The following SNX29 variants were observed in gnomAD, a reference collection of about 807,000 sequenced individuals.
SNX29 encodes sorting nexin 29, also known as sorting nexin-29.
SNX29 carries 78 observed loss-of-function variants against 102.1 expected under a neutral mutation model. The ratio of observed to expected loss-of-function variants is 0.76; its 90% CI spans 0.64 to 0.92. The LOEUF (loss-of-function observed/expected upper bound fraction) is 0.92, where lower values mean the gene tolerates loss of function less well. SNX29 is among the 40% of genes least tolerant of loss of function. The pLI is 0.00. For synonymous variants in SNX29, 580 were observed against 414.5 expected (o/e 1.40, Z -4.85); for missense variants, 1,280 against 1,061.7 (o/e 1.21, Z -2.86).
Position 12,538,223 on chromosome 16 carries a change from C to T in SNX29, c.2318+13382C>T, listed in dbSNP as rs768140072. On this transcript the variant is annotated intron_variant, in intron 20 of 20. Transcript: ENST00000566228. ...CTCTGTGTTCTGGGTTCATGCCATTCTTGTGCCTCAGTCTCCCTAGTAGCT... is the reference window on the plus strand; with the variant it reads ...CTCTGTGTTCTGGGTTCATGCCATTTTTGTGCCTCAGTCTCCCTAGTAGCT... Among the ~76,000 whole-genome samples, 4 of 152,228 alleles carry T rather than the reference C, an allele frequency of 2.6e-5. No homozygotes were observed. In the South Asian group the frequency reaches 6.2e-4, roughly 24 times the overall value.
At chr16:12,295,976 T>C (rs545727796) in intron 15 of SNX29, among the ~76,000 whole-genome samples, 49 of 152,386 alleles carry the variant, frequency 3.2e-4, no homozygotes, top group Admixed American at 3.3e-4. Flanking sequence ...AAATGAAATA[T>C]GTTCTGTGGT....
chr16:12,173,226 G>A (rs1015912930), intron 13 of SNX29, among the ~76,000 whole-genome samples: 3 of 152,196 alleles, frequency 2.0e-5, no homozygotes, highest in Admixed American at 2.0e-4. Context: ...ATAAAAGTGG[G>A]TTCTGGTTCC....
At chr16:12,013,541 ATC>A (rs1567526124) in intron 3 of SNX29, among the ~76,000 whole-genome samples, 38 of 119,216 alleles carry the variant, frequency 3.2e-4, no homozygotes, top group African/African-American at 9.3e-4. Flanking sequence ...ATATATATAT[ATC>A]GAGAGAGGAG....
intron 18 of SNX29, among the ~76,000 whole-genome samples, chr16:12,406,164 G>T (rs2084156903): frequency 6.6e-6 from 1 of 152,122 alleles, no homozygotes; most frequent in African/African-American, 2.4e-5. Flanking sequence ...GTAAACTAAG[G>T]GTTTAAAAGG....
At chr16:12,199,535 C>T (rs547174510) in intron 13 of SNX29, 66 bp from the exon 14 acceptor site, 5 of 1,393,996 alleles carry the variant, frequency 3.6e-6, no homozygotes, top group Non-Finnish European at 5.0e-6. Context: ...CCACCCCTGC[C>T]CCCTCCTGTG....
At chr16:12,391,748 A>G (rs2083537927) in intron 16 of SNX29, among the ~76,000 whole-genome samples, 1 of 152,136 alleles carries the variant, frequency 6.6e-6, no homozygotes, top group Non-Finnish European at 1.5e-5. Context: ...ATAGAACTTT[A>G]CCATCGCCCC....
At chr16:12,472,154 TCACGTCCACAGTACTG>T (rs906114913) in intron 18 of SNX29, among the ~76,000 whole-genome samples, 3 of 152,190 alleles carry the variant, frequency 2.0e-5, no homozygotes, top group Non-Finnish European at 2.9e-5. Flanking sequence ...CAGCTGCATC[TCACGTCCACAGTACTG>T]AGTGAAAGAA....
At position 12,477,879 on chromosome 16, in the gene SNX29, A is replaced by T; in HGVS notation, c.2178+20A>T. On this transcript the variant is annotated intron_variant, in intron 19 of 20. Transcript: ENST00000566228. ...AACAAGGTACCATCCCGTGCTGGGA[A>T]GCCCACTTGTCACTGCCTGCGTTAA... 6.4e-7 allele frequency: 1 copy of T among 1,562,554 alleles called. No homozygotes were observed. Among genetic ancestry groups the T allele is most frequent in the Non-Finnish European group, 8.6e-7 (1 of 1,159,014 alleles).
intron 3 of SNX29, among the ~76,000 whole-genome samples, chr16:12,010,706 T>G (rs2056619928): frequency 6.6e-6 from 1 of 152,126 alleles, no homozygotes; most frequent in Non-Finnish European, 1.5e-5. Context: ...GGAGAGCATT[T>G]CTTCTCCTTT....
At chr16:12,019,623 G>GATAA (rs756218282) in intron 3 of SNX29, among the ~76,000 whole-genome samples, 12 of 145,610 alleles carry the variant, frequency 8.2e-5, no homozygotes, top group African/African-American at 3.1e-4. Context: ...TAGATAGATA[G>GATAA]ATATAGATAT....
chr16:12,428,249 A>G (rs540302545), intron 18 of SNX29, among the ~76,000 whole-genome samples: 1 of 152,372 alleles, frequency 6.6e-6, no homozygotes, highest in East Asian at 1.9e-4. Context: ...TAAGTTTAGT[A>G]TAAAATGTAA....
In SNX29 at chr16:12,289,464, G is replaced by C. The variant is rs371138247; in HGVS notation, c.1782+11428G>C. Among the ~76,000 whole-genome samples the C allele has an allele frequency of 3.9e-5, 6 of 152,200 alleles. No individual in the cohort carries two copies. The South Asian group carries it at 1.3e-3, about 32-fold the overall frequency. The stretch of plus-strand genomic sequence containing the variant: ...CTTTTGATTTCTCTCACAGAACCTT[G>C]GATACCTCGTTTCCCATTTCCTGGT... On this transcript the variant is annotated intron_variant, in intron 15 of 20. Coordinates refer to ENST00000566228, the MANE Select transcript of SNX29 (RefSeq NM_032167.5).
intron 18 of SNX29, among the ~76,000 whole-genome samples, chr16:12,440,924 T>G (rs916492346): frequency 6.6e-6 from 1 of 152,204 alleles, no homozygotes; most frequent in African/African-American, 2.4e-5. Context: ...GTCTTTATAA[T>G]AGAATGATTT....
At chr16:12,019,587 T>G (rs143602863) in intron 3 of SNX29, among the ~76,000 whole-genome samples, 1,274 of 79,310 alleles carry the variant, frequency 0.016, 9 homozygotes, top group African/African-American at 0.023. Flanking sequence ...TGTAAATATA[T>G]ATATATAGAT....
At chr16:11,995,896 C>T (rs2056053605) in intron 1 of SNX29, among the ~76,000 whole-genome samples, 1 of 151,930 alleles carries the variant, frequency 6.6e-6, no homozygotes, top group Non-Finnish European at 1.5e-5. Context: ...CCTGTCTCTA[C>T]TGAAAATACA....
At chr16:12,568,438 C>T (rs79129526) in intron 20 of SNX29, 68 bp from the exon 21 acceptor site, 17 of 1,586,076 alleles carry the variant, frequency 1.1e-5, no homozygotes, top group South Asian at 4.5e-5. Flanking sequence ...ACCTGGCTCC[C>T]CTTCCTGGCC....
At chr16:12,553,654 G>C (rs2078136135) in intron 20 of SNX29, among the ~76,000 whole-genome samples, 1 of 145,854 alleles carries the variant, frequency 6.9e-6, no homozygotes, top group African/African-American at 2.6e-5. Flanking sequence ...GCAATGACGT[G>C]ATCTTGGCTC....
intron 18 of SNX29, among the ~76,000 whole-genome samples, chr16:12,427,529 GA>G (rs1043342087): frequency 6.6e-6 from 1 of 151,774 alleles, no homozygotes; most frequent in East Asian, 1.9e-4. Context: ...ACTGATAAAA[GA>G]AAAAAAATAC....
chr16:12,322,824 T>TGACCACTGTCAGGATGTGGTCACTAGGG (rs1555510922), intron 15 of SNX29, among the ~76,000 whole-genome samples: 7,608 of 129,660 alleles, frequency 0.059, 1,077 homozygotes, highest in African/African-American at 0.21. Context: ...GAATCACTGA[T>TGACCACTGTCAGGATGTGGTCACTAGGG]GACCACTGTC....
Sources: gnomAD v4.1 joint callset for allele counts (sites outside exome capture counted in the v4.1 genomes callset) on GRCh38, gnomAD v4.1.1 for gene constraint, MANE v1.5 for transcripts, NCBI Gene and HGNC (gene_info 2026-07-23, HGNC 2026-07-21) for gene names.